LMCD1: variants seen among roughly 807,000 people sequenced by gnomAD.
The protein encoded by LMCD1 is LIM and cysteine-rich domains protein 1.
In LMCD1, 32 loss-of-function variants were observed where a neutral mutation model predicts 42.7. The observed-to-expected ratio is 0.75, with a 90% CI of 0.57 to 1.01. LMCD1 has a LOEUF of 1.01. LMCD1 is among the 50% of genes least tolerant of loss of function. LMCD1 has a pLI of 0.00. For synonymous variants in LMCD1, 178 were observed against 184.9 expected (o/e 0.96, Z 0.30); for missense variants, 458 against 483.1 (o/e 0.95, Z 0.49).
Position 8,507,015 on chromosome 3 carries a change from G to A in LMCD1, c.42+5035G>A, listed in dbSNP as rs550965742. Among the ~76,000 whole-genome samples, 4 of 152,352 alleles carry A rather than the reference G, an allele frequency of 2.6e-5. No individual in the cohort carries two copies. In the East Asian group the frequency reaches 7.7e-4, roughly 29 times the overall value. ...TGAAGAGACAGCTGTTGCTCTTGAA[G>A]AGCCTTCGTTTAGAAATATCCTCAT... is the stretch of plus-strand genomic sequence containing the variant. On this transcript the variant is annotated intron_variant, in intron 1 of 5. Coordinates refer to ENST00000157600, the MANE Select transcript of LMCD1 (RefSeq NM_014583.4).
At chr3:8,534,506 G>C (rs1235715950) in intron 2 of LMCD1, among the ~76,000 whole-genome samples, 2 of 152,218 alleles carry the variant, frequency 1.3e-5, no homozygotes, top group Non-Finnish European at 2.9e-5. Context: ...TCCTTGGTTT[G>C]AAGAATCCAA....
chr3:8,571,996 A>G lies in LMCD1; in HGVS notation c.*4398A>G, dbSNP rs112045091. The G allele has an allele frequency of 6.6e-6, 1 of 152,234 alleles. No homozygotes were observed. The highest frequency in any genetic ancestry group is 1.5e-5 in the Non-Finnish European group (1 of 68,030). 9.4% of individuals were successfully genotyped at this position (152,234 alleles called of 1,614,324 possible). A position where few individuals can be genotyped will look rare whatever the true frequency, so the allele number is the denominator to read the frequency against. On this transcript the variant is annotated 3_prime_UTR_variant, in exon 6 of 6. Transcript: ENST00000157600. ...TTCTACCATGTAATCCTCAGATCCAATTCAAGTGTCACCAGCTGTCCCAAT... is the reference window on the plus strand; with the variant it reads ...TTCTACCATGTAATCCTCAGATCCAGTTCAAGTGTCACCAGCTGTCCCAAT...
chr3:8,520,819 T>C (rs1176856852), intron 1 of LMCD1, among the ~76,000 whole-genome samples: 1 of 152,186 alleles, frequency 6.6e-6, no homozygotes, highest in Non-Finnish European at 1.5e-5. Context: ...GGACTCTGAG[T>C]GATCTCAAAA....
intron 1 of LMCD1, among the ~76,000 whole-genome samples, chr3:8,503,322 C>T (rs967461493): frequency 9.8e-5 from 15 of 152,322 alleles, no homozygotes; most frequent in Admixed American, 3.3e-4. Context: ...CCTGCCCAGA[C>T]CCTGTCACAG....
chr3:8,502,711 C>T (rs946101153), intron 1 of LMCD1, among the ~76,000 whole-genome samples: 11 of 151,830 alleles, frequency 7.2e-5, no homozygotes, highest in African/African-American at 2.4e-4. Flanking sequence ...ACAAGAAGGG[C>T]TGGCCCGGAG....
chr3:8,534,316 C>A (rs1247070501), intron 2 of LMCD1, among the ~76,000 whole-genome samples: 3 of 151,922 alleles, frequency 2.0e-5, no homozygotes, highest in African/African-American at 7.2e-5. Flanking sequence ...TCTGGTTTTC[C>A]AGTTGTTCAG....
intron 1 of LMCD1, among the ~76,000 whole-genome samples, chr3:8,526,675 C>G (rs575870688): frequency 6.6e-6 from 1 of 152,300 alleles, no homozygotes; most frequent in African/African-American, 2.4e-5. Flanking sequence ...TTGCAGTGCT[C>G]ACAAGTTCGC....
Position 8,501,956 on chromosome 3 carries a change from G to A in LMCD1, c.18G>A (p.Lys6=). 6.3e-7 allele frequency: 1 copy of A among 1,594,340 alleles called. No homozygotes were observed. The highest frequency in any genetic ancestry group is 8.5e-7 in the Non-Finnish European group (1 of 1,171,628). ...AGAAGAGGATGGCAAAGGTGGCTAA[G>A]GACCTCAACCCAGGAGTTAAAAAGG... The part of the protein sequence containing the change: MAKVA[K]DLNPGVKKMS... The change falls in exon 1 of 6, where the codon AAG becomes AAA. Residue 6 remains lysine (K), a synonymous_variant. Transcript: ENST00000157600.
intron 1 of LMCD1, among the ~76,000 whole-genome samples, chr3:8,508,940 CACA>C (rs1228318874): frequency 2.6e-5 from 4 of 152,212 alleles, no homozygotes; most frequent in Non-Finnish European, 1.5e-5. Context: ...CCGTTAAACA[CACA>C]ACATTTGCAA....
chr3:8,547,340 G>A (rs1016953495), intron 3 of LMCD1, among the ~76,000 whole-genome samples: 5 of 152,158 alleles, frequency 3.3e-5, no homozygotes, highest in Non-Finnish European at 7.3e-5. Context: ...ACAGAAAATA[G>A]CATTTAAATA....
chr3:8,556,131 A>C (rs148719935), intron 4 of LMCD1, among the ~76,000 whole-genome samples: 1 of 152,330 alleles, frequency 6.6e-6, no homozygotes, highest in Non-Finnish European at 1.5e-5. Context: ...TTGACTACCT[A>C]GGTTATGCCA....
At chr3:8,506,432 A>C (rs1454273636) in intron 1 of LMCD1, among the ~76,000 whole-genome samples, 1 of 152,158 alleles carries the variant, frequency 6.6e-6, no homozygotes, top group African/African-American at 2.4e-5. Context: ...ACCAGGAAGG[A>C]GGGGCTGCAC....
At chr3:8,539,543 A>G (rs924704379) in intron 3 of LMCD1, among the ~76,000 whole-genome samples, 3 of 152,082 alleles carry the variant, frequency 2.0e-5, no homozygotes, top group African/African-American at 7.2e-5. Flanking sequence ...CGTCTCCAGG[A>G]TGTCAGTGGA....
intron 3 of LMCD1, among the ~76,000 whole-genome samples, chr3:8,538,281 A>T (rs1051070786): frequency 2.6e-5 from 4 of 152,220 alleles, no homozygotes; most frequent in African/African-American, 7.2e-5. Context: ...CCATCCTGAG[A>T]TACCGCACGC....
chr3:8,513,762 A>G (rs1388335902), intron 1 of LMCD1, among the ~76,000 whole-genome samples: 1 of 152,214 alleles, frequency 6.6e-6, no homozygotes, highest in Non-Finnish European at 1.5e-5. Context: ...TAACAGGGTA[A>G]TCAAATTTTG....
Position 8,568,278 on chromosome 3 carries a change from T to G in LMCD1, c.*680T>G, listed in dbSNP as rs1489363154. Reference sequence around the variant, plus strand: ...TTTGGGACAGAACCCCCGCCCCACCTGCCTATTCCAGATACTCCCAGATCA... The same window carrying G: ...TTTGGGACAGAACCCCCGCCCCACCGGCCTATTCCAGATACTCCCAGATCA... On this transcript the variant is annotated 3_prime_UTR_variant, in exon 6 of 6. Transcript: ENST00000157600. 2 of 152,202 alleles carry G rather than the reference T, an allele frequency of 1.3e-5. No homozygotes were observed. The highest frequency in any genetic ancestry group is 4.8e-5 in the African/African-American group (2 of 41,446). The allele number at this position is 152,202 out of a possible 1,614,324, so 9.4% of individuals were successfully genotyped here. A position where few individuals can be genotyped will look rare whatever the true frequency, so the allele number is the denominator to read the frequency against.
intron 4 of LMCD1, among the ~76,000 whole-genome samples, chr3:8,554,256 C>T (rs1396438228): frequency 3.9e-5 from 6 of 152,116 alleles, no homozygotes; most frequent in African/African-American, 1.4e-4. Flanking sequence ...GACCCTGGGG[C>T]GCAGTGAGGT....
At chr3:8,547,404 C>T (rs1694756762) in intron 3 of LMCD1, among the ~76,000 whole-genome samples, 1 of 152,134 alleles carries the variant, frequency 6.6e-6, no homozygotes, top group Admixed American at 6.5e-5. Flanking sequence ...AGACTGGGTG[C>T]CCTTATTTAA....
intron 4 of LMCD1, chr3:8,550,969 C>T (rs1694829583): frequency 1.0e-6 from 1 of 985,242 alleles, no homozygotes; most frequent in Non-Finnish European, 1.2e-6. Context: ...TCCTTGCCTA[C>T]AGTCAGCTTT....
Sources: gnomAD v4.1 joint callset for allele counts (sites outside exome capture counted in the v4.1 genomes callset) on GRCh38, gnomAD v4.1.1 for gene constraint, MANE v1.5 for transcripts, NCBI Gene and HGNC (gene_info 2026-07-23, HGNC 2026-07-21) for gene names.